KCNQ1: variants seen among roughly 807,000 people sequenced by gnomAD.
KCNQ1 encodes the protein potassium voltage-gated channel subfamily Q member 1.
Under a neutral mutation model 72.4 loss-of-function variants are expected in KCNQ1, and 49 were observed. The ratio of observed to expected loss-of-function variants is 0.68; its 90% CI spans 0.54 to 0.86. The LOEUF is 0.86. Ranked by LOEUF, KCNQ1 falls within the 40% of genes least tolerant of loss-of-function variation. KCNQ1 has a pLI of 0.00. For missense variants in KCNQ1, 790 were observed against 945.1 expected (o/e 0.84, Z 2.15); for synonymous variants, 450 against 412.6 (o/e 1.09, Z -1.10).
chr11:2,763,410 AAAAAAT>A (rs1846442108), intron 11 of KCNQ1, among the ~76,000 whole-genome samples: 1 of 151,416 alleles, frequency 6.6e-6, no homozygotes. Context: ...AAGAAAAAAA[AAAAAAT>A]AAGAAAGAAA....
At position 2,620,323 on chromosome 11, in the gene KCNQ1, T is replaced by G. The variant is rs1849148123; in HGVS notation, c.1393+31469T>G. 4.9e-6 allele frequency: 1 copy of G among 203,200 alleles called. No individual in the cohort carries two copies. The highest frequency in any genetic ancestry group is 1.9e-4 in the South Asian group (1 of 5,270). The allele number at this position is 203,200 out of a possible 1,614,324, so 12.6% of individuals were successfully genotyped here. A position where few individuals can be genotyped will look rare whatever the true frequency, so the allele number is the denominator to read the frequency against. On this transcript the variant is annotated intron_variant, in intron 10 of 15. Transcript: ENST00000155840. The surrounding 1 kb of genome is among the most constrained non-coding windows in gnomAD (Gnocchi z 4.5). ...CCTCCGCCTACCGGGTTCAAGTGAT[T>G]CTCCTGCCTCAGCCTCCTGAGTAGC...
At chr11:2,665,642 C>G (rs1850054005) in intron 11 of KCNQ1, 1 of 397,868 alleles carries the variant, frequency 2.5e-6, no homozygotes, top group Non-Finnish European at 4.4e-6. Flanking sequence ...CTTTGGCTCT[C>G]AAAGCCCTCA....
chr11:2,760,015 G>T (rs989764247), intron 11 of KCNQ1, among the ~76,000 whole-genome samples: 5 of 152,236 alleles, frequency 3.3e-5, no homozygotes, highest in Non-Finnish European at 7.3e-5. Flanking sequence ...CCCGCCATGG[G>T]CAGCCCAGTC....
chr11:2,833,960 C>A (rs1172343161), intron 15 of KCNQ1, among the ~76,000 whole-genome samples: 4 of 152,248 alleles, frequency 2.6e-5, no homozygotes, highest in African/African-American at 7.2e-5. Flanking sequence ...TCACCCCCTT[C>A]CCAGGCTGTC....
chr11:2,714,786 G>A (rs902192691), intron 11 of KCNQ1, among the ~76,000 whole-genome samples: 4 of 152,110 alleles, frequency 2.6e-5, no homozygotes, highest in Non-Finnish European at 5.9e-5. Flanking sequence ...CAGCATCGTC[G>A]TCATCTTTCC....
intron 5 of KCNQ1, among the ~76,000 whole-genome samples, chr11:2,572,579 GCTGGGC>G (rs1848353397): frequency 6.6e-6 from 1 of 152,218 alleles, no homozygotes. Flanking sequence ...AGGAAAGAGA[GCTGGGC>G]AATCAGTGGA....
Position 2,556,279 on chromosome 11 carries a change from C to G in KCNQ1, c.478-14349C>G, listed in dbSNP as rs1442956200. The stretch of plus-strand genomic sequence containing the variant: ...TTACCTAATAGCATCTGCAGCAACC[C>G]TATTTCCAAACAAGGTCACACTCTG... On this transcript the variant is annotated intron_variant, in intron 2 of 15. Transcript: ENST00000155840. Among the ~76,000 whole-genome samples, 3 of 152,304 alleles carry G rather than the reference C, an allele frequency of 2.0e-5. No homozygotes were observed. The South Asian group carries it at 6.2e-4, about 32-fold the overall frequency.
rs946547844 is a variant in KCNQ1, at chr11:2,550,140, C to T, written c.478-20488C>T. Among the ~76,000 whole-genome samples the T allele has an allele frequency of 3.3e-5, 5 of 152,222 alleles. No individual in the cohort carries two copies. The highest frequency in any genetic ancestry group is 7.4e-5 in the Non-Finnish European group (5 of 68,022). ...CAGAGTTGTCTGTAGAGAACCAGAGCTGCCGAGCCCCGGCCTGGATGGACA... is the reference window on the plus strand; with the variant it reads ...CAGAGTTGTCTGTAGAGAACCAGAGTTGCCGAGCCCCGGCCTGGATGGACA... On this transcript the variant is annotated intron_variant, in intron 2 of 15. Transcript: ENST00000155840. This position sits in a 1 kb window ranked among gnomAD's most constrained non-coding sequence, Gnocchi z 6.0.
intron 2 of KCNQ1, among the ~76,000 whole-genome samples, chr11:2,553,760 A>G (rs1319174411): frequency 1.3e-5 from 2 of 151,894 alleles, no homozygotes; most frequent in East Asian, 3.9e-4. Flanking sequence ...TTTTTGCCCA[A>G]GCTGGAGCGC....
Position 2,679,549 on chromosome 11 carries a change from T to A in KCNQ1, c.1514+17468T>A. 5.0e-6 allele frequency: 2 copies of A among 398,652 alleles called. No individual in the cohort carries two copies. Among genetic ancestry groups the A allele is most frequent in the Non-Finnish European group, 8.8e-6 (2 of 226,066 alleles). The allele number at this position is 398,652 out of a possible 1,614,324, so 24.7% of individuals were successfully genotyped here. A position where few individuals can be genotyped will look rare whatever the true frequency, so the allele number is the denominator to read the frequency against. ...ACCTCATGATGGCCATTCCATCCAT[T>A]GTAATCATGTGTACCATGCAATTCA... On this transcript the variant is annotated intron_variant, in intron 11 of 15. Transcript: ENST00000155840. The surrounding 1 kb of genome is among the most constrained non-coding windows in gnomAD (Gnocchi z 4.8).
rs1848672877 is a variant in KCNQ1, at chr11:2,591,700, GAATGTT to G, written c.1393+2851_1393+2856del. ...TATGAAGTCATTAGTGCTGTCTGCG[GAATGTT>G]AATGAGGGGCAAGTGCGGAGAAAGT... On this transcript the variant is annotated intron_variant, in intron 10 of 15. Coordinates refer to ENST00000155840, the MANE Select transcript of KCNQ1 (RefSeq NM_000218.3). 3.9e-5 allele frequency among the ~76,000 whole-genome samples: 6 copies of G among 152,270 alleles called. No homozygotes were observed. In the South Asian group the frequency reaches 1.2e-3, roughly 31 times the overall value.
intron 15 of KCNQ1, among the ~76,000 whole-genome samples, chr11:2,834,701 G>A (rs1194898372): frequency 6.6e-6 from 1 of 152,218 alleles, no homozygotes; most frequent in African/African-American, 2.4e-5. Context: ...GCTTGGAAGG[G>A]TGTCCTTATG....
rs1221683870 is a variant in KCNQ1, at chr11:2,494,280, A to G, written c.387-33648A>G. On this transcript the variant is annotated intron_variant, in intron 1 of 15. Transcript: ENST00000155840. This position sits in a 1 kb window ranked among gnomAD's most constrained non-coding sequence, Gnocchi z 4.6. ...AATGGGGTTTTCTAAATATACAATC[A>G]TGTCATCTGCAAACAGAGAAAATTT... Among the ~76,000 whole-genome samples, 1 of 152,192 alleles carries G rather than the reference A, an allele frequency of 6.6e-6. No individual in the cohort carries two copies. The highest frequency in any genetic ancestry group is 1.5e-5 in the Non-Finnish European group (1 of 68,038).
chr11:2,507,592 G>A lies in KCNQ1; in HGVS notation c.387-20336G>A, dbSNP rs1847126526. ...TGACATGGGTCAGGGTTGGGGCGAA[G>A]GAGTCCAGCTGGGGACATGTTATTT... On this transcript the variant is annotated intron_variant, in intron 1 of 15. Transcript: ENST00000155840. The surrounding 1 kb of genome is among the most constrained non-coding windows in gnomAD (Gnocchi z 5.4). 6.6e-6 allele frequency among the ~76,000 whole-genome samples: 1 copy of A among 152,204 alleles called. No homozygotes were observed. The highest frequency in any genetic ancestry group is 1.5e-5 in the Non-Finnish European group (1 of 68,038).
chr11:2,759,763 G>A lies in KCNQ1; in HGVS notation c.1515-9081G>A, dbSNP rs1382708285. Reference sequence around the variant, plus strand: ...ACTTAACTGTCTGGCTGGGGGAGAGGGGACAGAGGTCCTGGGAGGGGCTGA... The same window carrying A: ...ACTTAACTGTCTGGCTGGGGGAGAGAGGACAGAGGTCCTGGGAGGGGCTGA... On this transcript the variant is annotated intron_variant, in intron 11 of 15. Transcript: ENST00000155840. The surrounding 1 kb of genome is among the most constrained non-coding windows in gnomAD (Gnocchi z 4.4). Among the ~76,000 whole-genome samples the A allele has an allele frequency of 6.6e-6, 1 of 152,166 alleles. No homozygotes were observed. The highest frequency in any genetic ancestry group is 1.5e-5 in the Non-Finnish European group (1 of 68,018).
chr11:2,596,594 A>G (rs988179301), intron 10 of KCNQ1, among the ~76,000 whole-genome samples: 5 of 152,160 alleles, frequency 3.3e-5, no homozygotes, highest in Non-Finnish European at 7.3e-5. Flanking sequence ...CCAGACAAAA[A>G]AAAAAAGAGT....
chr11:2,846,567 G>C (rs1054343509), intron 15 of KCNQ1, among the ~76,000 whole-genome samples: 7 of 152,158 alleles, frequency 4.6e-5, no homozygotes, highest in African/African-American at 1.7e-4. Context: ...CTAGGGAGAG[G>C]GGTCCCCAAC....
Position 2,593,592 on chromosome 11 carries a change from T to C in KCNQ1, c.1393+4738T>C, listed in dbSNP as rs557596914. On this transcript the variant is annotated intron_variant, in intron 10 of 15. Transcript: ENST00000155840. The surrounding 1 kb of genome is among the most constrained non-coding windows in gnomAD (Gnocchi z 6.9). The stretch of plus-strand genomic sequence containing the variant: ...CCGTTTGTGAAGTGGGGCAGCGTGC[T>C]GGAGGAGCATGCATCACATACCCAG... Among the ~76,000 whole-genome samples the C allele has an allele frequency of 2.6e-5, 4 of 152,324 alleles. No homozygotes were observed. Among genetic ancestry groups the C allele is most frequent in the African/African-American group, 9.6e-5 (4 of 41,580 alleles).
intron 1 of KCNQ1, chr11:2,461,365 G>T: frequency 3.3e-6 from 4 of 1,195,052 alleles, no homozygotes; most frequent in Non-Finnish European, 4.3e-6. Flanking sequence ...AGCTCTGTCC[G>T]GGAAGGGAAC....
Sources: allele counts gnomAD v4.1 joint callset (sites outside exome capture counted in the v4.1 genomes callset), GRCh38; gene constraint gnomAD v4.1.1; non-coding constraint Gnocchi (gnomAD v3.1); transcripts MANE v1.5; gene names NCBI Gene and HGNC (gene_info 2026-07-23, HGNC 2026-07-21).